Variants in EXOC4 observed in about 807,000 individuals in gnomAD.
EXOC4 encodes the protein SEC8-like 1.
In EXOC4, 71 loss-of-function variants were observed where a neutral mutation model predicts 107.2. The ratio of observed to expected loss-of-function variants is 0.66; its 90% CI spans 0.55 to 0.81. The LOEUF (loss-of-function observed/expected upper bound fraction) is 0.81. Ranked by LOEUF, EXOC4 falls within the 30% of genes least tolerant of loss-of-function variation. EXOC4 has a pLI of 0.00. For missense variants in EXOC4, 1,108 were observed against 1,189.6 expected (o/e 0.93, Z 1.01); for synonymous variants, 456 against 441.2 (o/e 1.03, Z -0.42).
intron 11 of EXOC4, among the ~76,000 whole-genome samples, chr7:133,854,301 A>G (rs1798301514): frequency 6.6e-6 from 1 of 151,918 alleles, no homozygotes; most frequent in Non-Finnish European, 1.5e-5. Flanking sequence ...TACCTTCGAG[A>G]CCAAGGATGG....
intron 10 of EXOC4, among the ~76,000 whole-genome samples, chr7:133,776,009 C>T (rs915746237): frequency 2.0e-5 from 3 of 152,028 alleles, no homozygotes; most frequent in African/African-American, 7.2e-5. Flanking sequence ...ATTTATTGGG[C>T]ATTATTGGGC....
At chr7:133,972,192 G>T (rs1466361588) in intron 14 of EXOC4, among the ~76,000 whole-genome samples, 1 of 152,188 alleles carries the variant, frequency 6.6e-6, no homozygotes, top group Non-Finnish European at 1.5e-5. Context: ...CAATGAGAGA[G>T]CTGGGATATT....
At chr7:133,435,147 T>A (rs1469213907) in intron 7 of EXOC4, among the ~76,000 whole-genome samples, 1 of 152,214 alleles carries the variant, frequency 6.6e-6, no homozygotes, top group African/African-American at 2.4e-5. Context: ...AGGACTGTCA[T>A]TTTGAACCTG....
intron 8 of EXOC4, 105 bp from the exon 9 acceptor site, chr7:133,479,945 C>A: frequency 3.2e-6 from 3 of 933,910 alleles, no homozygotes; most frequent in African/African-American, 1.6e-5. Context: ...CACGGAACAT[C>A]GGGGAGCACC....
chr7:133,566,222 C>T (rs1029113051), intron 9 of EXOC4, among the ~76,000 whole-genome samples: 11 of 152,124 alleles, frequency 7.2e-5, no homozygotes, highest in African/African-American at 2.7e-4. Context: ...AATGAGAGAG[C>T]CCAGGGTGAA....
chr7:133,926,416 C>T (rs1208456724), intron 13 of EXOC4, among the ~76,000 whole-genome samples: 1 of 152,152 alleles, frequency 6.6e-6, no homozygotes, highest in Non-Finnish European at 1.5e-5. Flanking sequence ...ATGCTAATGT[C>T]ACAGACATTT....
intron 10 of EXOC4, among the ~76,000 whole-genome samples, chr7:133,642,190 A>G (rs1802872746): frequency 6.6e-6 from 1 of 152,110 alleles, no homozygotes; most frequent in South Asian, 2.1e-4. Context: ...ATACTCGCTG[A>G]GTGCTTACTA....
At chr7:133,607,646 A>G (rs1220404822) in intron 9 of EXOC4, among the ~76,000 whole-genome samples, 1 of 152,208 alleles carries the variant, frequency 6.6e-6, no homozygotes, top group Non-Finnish European at 1.5e-5. Flanking sequence ...TGGCACTATC[A>G]CAAGCATTCT....
chr7:133,461,887 G>A (rs1222091388), intron 7 of EXOC4, among the ~76,000 whole-genome samples: 1 of 152,118 alleles, frequency 6.6e-6, no homozygotes, highest in Non-Finnish European at 1.5e-5. Flanking sequence ...GGCAGAGAAG[G>A]CAAATAACTG....
intron 17 of EXOC4, among the ~76,000 whole-genome samples, chr7:134,029,101 A>G (rs1795209673): frequency 6.6e-6 from 1 of 152,224 alleles, no homozygotes; most frequent in Non-Finnish European, 1.5e-5. Context: ...ATGTTCACCC[A>G]GTGGGTTATC....
At chr7:133,730,845 T>A (rs1795311692) in intron 10 of EXOC4, among the ~76,000 whole-genome samples, 1 of 152,178 alleles carries the variant, frequency 6.6e-6, no homozygotes, top group Non-Finnish European at 1.5e-5. Flanking sequence ...AACACAAGTA[T>A]GGTGCACTTT....
rs541301875 is a variant in EXOC4, at chr7:133,979,540, C to G, written c.2207-17952C>G. On this transcript the variant is annotated intron_variant, in intron 14 of 17. Coordinates refer to ENST00000253861, the MANE Select transcript of EXOC4 (RefSeq NM_021807.4). ...CGGTGGCTCACGCCTGTAATCCCAG[C>G]ACTTTGGGAGGCCCAGGCAGGTGGA... Among the ~76,000 whole-genome samples, 6 of 152,278 alleles carry G rather than the reference C, an allele frequency of 3.9e-5. No homozygotes were observed. The South Asian group carries it at 1.2e-3, about 32-fold the overall frequency.
chr7:133,855,831 G>T (rs1159946438), intron 11 of EXOC4, among the ~76,000 whole-genome samples: 1 of 152,154 alleles, frequency 6.6e-6, no homozygotes, highest in Admixed American at 6.5e-5. Context: ...TACAGATGTA[G>T]ACTGCATCTG....
At chr7:134,017,007 CA>C (rs1794925122) in intron 17 of EXOC4, among the ~76,000 whole-genome samples, 1 of 152,204 alleles carries the variant, frequency 6.6e-6, no homozygotes, top group African/African-American at 2.4e-5. Flanking sequence ...TGAAATGCCC[CA>C]CCTATCAAAT....
chr7:133,818,150 T>C (rs942430028), intron 11 of EXOC4, among the ~76,000 whole-genome samples: 2 of 152,226 alleles, frequency 1.3e-5, no homozygotes, highest in African/African-American at 2.4e-5. Flanking sequence ...GCTTGAGGCA[T>C]ATATTTTATA....
chr7:133,253,299 C>G (rs916346771), intron 1 of EXOC4, 112 bp downstream of exon 1: 1 of 1,442,422 alleles, frequency 6.9e-7, no homozygotes, highest in South Asian at 1.5e-5. Context: ...TCCTCCTTGC[C>G]TCCCGCAGCC....
At chr7:133,584,008 A>T (rs1376241361) in intron 9 of EXOC4, among the ~76,000 whole-genome samples, 1 of 152,146 alleles carries the variant, frequency 6.6e-6, no homozygotes. Flanking sequence ...GTTATAAAGG[A>T]CAAGGAGGAG....
intron 13 of EXOC4, among the ~76,000 whole-genome samples, chr7:133,931,280 G>A (rs1800169255): frequency 6.9e-6 from 1 of 143,990 alleles, no homozygotes; most frequent in Non-Finnish European, 1.5e-5. Flanking sequence ...CATCATATGA[G>A]TCACCCAATA....
At chr7:133,264,720 A>G (rs987254840) in intron 1 of EXOC4, among the ~76,000 whole-genome samples, 32 of 152,132 alleles carry the variant, frequency 2.1e-4, no homozygotes, top group Non-Finnish European at 2.9e-5. Context: ...TCTTCTTTTC[A>G]TAATTCACTG....
Sources: allele counts gnomAD v4.1 joint callset (sites outside exome capture counted in the v4.1 genomes callset), GRCh38; gene constraint gnomAD v4.1.1; transcripts MANE v1.5; gene names NCBI Gene and HGNC (gene_info 2026-07-23, HGNC 2026-07-21).